Variants in AGBL4 observed in about 807,000 individuals in gnomAD.
The protein encoded by AGBL4 is cytosolic carboxypeptidase 6.
AGBL4 carries 58 observed loss-of-function variants against 66.4 expected under a neutral mutation model. That is an observed-to-expected ratio of 0.87 (90% CI 0.71 to 1.09). The LOEUF (loss-of-function observed/expected upper bound fraction) is 1.09. AGBL4 is among the 50% of genes least tolerant of loss of function. AGBL4 has a pLI of 0.00. For missense variants in AGBL4, 579 were observed against 631.0 expected (o/e 0.92, Z 0.88); for synonymous variants, 234 against 222.9 (o/e 1.05, Z -0.44).
At chr1:48,845,110 G>T (rs902908556) in intron 6 of AGBL4, among the ~76,000 whole-genome samples, 2 of 152,140 alleles carry the variant, frequency 1.3e-5, no homozygotes, top group Non-Finnish European at 2.9e-5. Flanking sequence ...ATATTTCTTG[G>T]AACAATAGTG....
At chr1:49,849,393 T>TTTATTATTATTA (rs61688417) in intron 2 of AGBL4, among the ~76,000 whole-genome samples, 4 of 130,080 alleles carry the variant, frequency 3.1e-5, no homozygotes, top group Admixed American at 8.0e-5. Flanking sequence ...ATTCATCTAA[T>TTTATTATTATTA]TTATTATTAT....
intron 5 of AGBL4, among the ~76,000 whole-genome samples, chr1:48,945,875 G>C (rs1233394878): frequency 6.6e-6 from 1 of 152,126 alleles, no homozygotes; most frequent in African/African-American, 2.4e-5. Context: ...TTGTGCCTTA[G>C]TTTCCTCATC....
At chr1:49,802,261 G>GT (rs1557461585) in intron 2 of AGBL4, among the ~76,000 whole-genome samples, 1 of 131,070 alleles carries the variant, frequency 7.6e-6, no homozygotes, top group Non-Finnish European at 1.7e-5. Flanking sequence ...CAGACACATC[G>GT]GGGGGGGTCG....
At chr1:49,798,626 T>C (rs571504040) in intron 2 of AGBL4, among the ~76,000 whole-genome samples, 2 of 152,314 alleles carry the variant, frequency 1.3e-5, no homozygotes, top group Admixed American at 1.3e-4. Flanking sequence ...GACTGACATA[T>C]TTAATGTTTA....
intron 2 of AGBL4, among the ~76,000 whole-genome samples, chr1:49,726,186 AAGAT>A (rs1412819027): frequency 2.0e-5 from 3 of 152,186 alleles, no homozygotes; most frequent in Non-Finnish European, 4.4e-5. Flanking sequence ...GGATTCAGAG[AAGAT>A]AGAATTCTAG....
At chr1:49,641,006 T>C (rs1433047217) in intron 3 of AGBL4, among the ~76,000 whole-genome samples, 3 of 152,128 alleles carry the variant, frequency 2.0e-5, no homozygotes, top group Non-Finnish European at 4.4e-5. Flanking sequence ...AAATCATTTG[T>C]ACATCAAACC....
intron 4 of AGBL4, among the ~76,000 whole-genome samples, chr1:49,120,733 T>C (rs1400629257): frequency 6.6e-6 from 1 of 152,218 alleles, no homozygotes; most frequent in Non-Finnish European, 1.5e-5. Flanking sequence ...CTATATTTCC[T>C]GAATTTTAAT....
intron 2 of AGBL4, among the ~76,000 whole-genome samples, chr1:49,775,131 T>C (rs912754332): frequency 6.6e-6 from 1 of 152,026 alleles, no homozygotes; most frequent in Non-Finnish European, 1.5e-5. Context: ...CAAAATAAAG[T>C]AAAAGGGCAA....
At chr1:49,268,727 AT>A (rs1643987020) in intron 3 of AGBL4, among the ~76,000 whole-genome samples, 1 of 152,120 alleles carries the variant, frequency 6.6e-6, no homozygotes, top group Non-Finnish European at 1.5e-5. Context: ...TCATTTTATA[AT>A]AAAATGAGGA....
chr1:49,350,498 C>T (rs559709409), intron 3 of AGBL4, among the ~76,000 whole-genome samples: 5 of 152,260 alleles, frequency 3.3e-5, no homozygotes, highest in African/African-American at 7.2e-5. Flanking sequence ...CCACCGCGCC[C>T]GGCCCTGAAT....
At chr1:49,901,619 G>A (rs1363890209) in intron 1 of AGBL4, among the ~76,000 whole-genome samples, 1 of 152,130 alleles carries the variant, frequency 6.6e-6, no homozygotes, top group Admixed American at 6.6e-5. Context: ...ACTGACCAAA[G>A]CAATTTACAG....
intron 7 of AGBL4, among the ~76,000 whole-genome samples, chr1:48,661,583 A>G (rs1646108153): frequency 6.6e-6 from 1 of 152,220 alleles, no homozygotes; most frequent in Admixed American, 6.5e-5. Flanking sequence ...CATTGAGTGT[A>G]TGAACTCAGC....
chr1:49,511,541 CACATGT>C lies in AGBL4; in HGVS notation c.282+185766_282+185771del, dbSNP rs943504520. 4.8e-4 allele frequency among the ~76,000 whole-genome samples: 72 copies of C among 151,166 alleles called. 1 individual carries two copies. Among genetic ancestry groups the C allele is most frequent in the African/African-American group, 1.6e-3 (64 of 41,262 alleles). ...TAGTGGGTGCAGCACACCAGCATGGCACATGTATATGTATGTAACTAACCTGCACAA... is the reference window on the plus strand; with the variant it reads ...TAGTGGGTGCAGCACACCAGCATGGCATATGTATGTAACTAACCTGCACAA... On this transcript the variant is annotated intron_variant, in intron 3 of 13. Transcript: ENST00000371839.
intron 6 of AGBL4, among the ~76,000 whole-genome samples, chr1:48,771,167 G>A (rs1398763554): frequency 6.6e-6 from 1 of 152,112 alleles, no homozygotes; most frequent in African/African-American, 2.4e-5. Context: ...CAATACTTGT[G>A]GAACTTAAAT....
intron 5 of AGBL4, among the ~76,000 whole-genome samples, chr1:48,956,289 G>C (rs1220527609): frequency 6.6e-6 from 1 of 152,072 alleles, no homozygotes; most frequent in Non-Finnish European, 1.5e-5. Flanking sequence ...TCAATCTCAA[G>C]TACCCCAACT....
intron 6 of AGBL4, among the ~76,000 whole-genome samples, chr1:48,864,947 T>A (rs1231077429): frequency 6.6e-6 from 1 of 152,050 alleles, no homozygotes; most frequent in African/African-American, 2.4e-5. Context: ...TTTCTGCATA[T>A]TTGAAATTAT....
rs1033223482 is a variant in AGBL4 at position 48,736,728 on chromosome 1, A to G, written c.635-73487T>C. On this transcript the variant is annotated intron_variant, in intron 6 of 13. Transcript: ENST00000371839. The surrounding 1 kb of genome is among the most constrained non-coding windows in gnomAD (Gnocchi z 4.0). ...CACCATTTTCCTTTCAGATGGAAACACCGGTTCAGACAGGTGAGGTGACTT... is the reference window on the plus strand; with the variant it reads ...CACCATTTTCCTTTCAGATGGAAACGCCGGTTCAGACAGGTGAGGTGACTT... 3.9e-5 allele frequency among the ~76,000 whole-genome samples: 6 copies of G among 152,292 alleles called. No homozygotes were observed. Among genetic ancestry groups the G allele is most frequent in the Admixed American group, 2.6e-4 (4 of 15,294 alleles).
intron 3 of AGBL4, among the ~76,000 whole-genome samples, chr1:49,685,486 C>A (rs1289918516): frequency 6.6e-6 from 1 of 152,168 alleles, no homozygotes; most frequent in Non-Finnish European, 1.5e-5. Flanking sequence ...AACCTGCTTT[C>A]CACAATGGCT....
At chr1:48,926,466 T>C (rs1182436680) in intron 5 of AGBL4, among the ~76,000 whole-genome samples, 1 of 151,376 alleles carries the variant, frequency 6.6e-6, no homozygotes, top group Non-Finnish European at 1.5e-5. Flanking sequence ...TTTTGTATTT[T>C]TAGTAGAGAT....
Sources: allele counts gnomAD v4.1 joint callset (sites outside exome capture counted in the v4.1 genomes callset), GRCh38; gene constraint gnomAD v4.1.1; non-coding constraint Gnocchi (gnomAD v3.1); transcripts MANE v1.5; gene names NCBI Gene and HGNC (gene_info 2026-07-23, HGNC 2026-07-21).